EFCAB5: variants seen among roughly 807,000 people sequenced by gnomAD.
The protein encoded by EFCAB5 is EF-hand calcium binding domain 5.
In EFCAB5, 131 loss-of-function variants were observed where a neutral mutation model predicts 167.9. The observed-to-expected ratio is 0.78, with a 90% CI of 0.68 to 0.90. The LOEUF (loss-of-function observed/expected upper bound fraction) is 0.90. EFCAB5 is among the 40% of genes least tolerant of loss of function. EFCAB5 has a pLI of 0.00. For synonymous variants in EFCAB5, 574 were observed against 602.8 expected (o/e 0.95, Z 0.70); for missense variants, 1,663 against 1,745.2 (o/e 0.95, Z 0.84).
chr17:30,031,096 GAGTAATATAGAAA>G (rs1267627290), intron 7 of EFCAB5, among the ~76,000 whole-genome samples: 6 of 151,974 alleles, frequency 3.9e-5, no homozygotes, highest in Non-Finnish European at 8.8e-5. Flanking sequence ...TCTGACTTAT[GAGTAATATAGAAA>G]AATACCTACT....
At chr17:29,973,636 C>A (rs1359502130) in intron 4 of EFCAB5, among the ~76,000 whole-genome samples, 2 of 151,472 alleles carry the variant, frequency 1.3e-5, no homozygotes, top group African/African-American at 4.8e-5. Flanking sequence ...CGCCACTACA[C>A]CCTGCTAATT....
chr17:30,096,664 T>C lies in EFCAB5; in HGVS notation c.4321+3728T>C, dbSNP rs1046160371. 1.0e-4 allele frequency among the ~76,000 whole-genome samples: 6 copies of C among 59,850 alleles called. No homozygotes were observed. In the East Asian group the frequency reaches 3.1e-3, roughly 31 times the overall value. The allele number at this position is 59,850 out of a possible 152,430, so 39.3% of individuals were successfully genotyped here. ...TTTATCCTGAAAGCATATATATATA[T>C]ATATATATATATATTTTTTTTTTTT... On this transcript the variant is annotated intron_variant, in intron 22 of 22. Coordinates refer to ENST00000394835, the MANE Select transcript of EFCAB5 (RefSeq NM_198529.4).
chr17:30,059,448 A>G (rs2070364723), intron 13 of EFCAB5, 97 bp from the exon 14 acceptor site: 1 of 1,313,774 alleles, frequency 7.6e-7, no homozygotes. Context: ...ACCTGTTTTA[A>G]TAGAAGACGC....
intron 8 of EFCAB5, among the ~76,000 whole-genome samples, chr17:30,035,895 C>G (rs1445208476): frequency 6.6e-6 from 1 of 151,524 alleles, no homozygotes; most frequent in African/African-American, 2.4e-5. Context: ...ATTTTAACCC[C>G]TTCAGAGGAA....
intron 7 of EFCAB5, among the ~76,000 whole-genome samples, chr17:30,032,328 T>A (rs1045847342): frequency 1.3e-5 from 2 of 152,162 alleles, no homozygotes; most frequent in Non-Finnish European, 2.9e-5. Flanking sequence ...GCAGTCTCAG[T>A]TCACATGGAG....
intron 22 of EFCAB5, among the ~76,000 whole-genome samples, chr17:30,099,652 T>C (rs2071354187): frequency 6.6e-6 from 1 of 152,246 alleles, no homozygotes; most frequent in South Asian, 2.1e-4. Flanking sequence ...TGTTAAGTGC[T>C]GGATGACTTC....
intron 12 of EFCAB5, among the ~76,000 whole-genome samples, chr17:30,056,585 C>G (rs2070274941): frequency 6.6e-6 from 1 of 152,056 alleles, no homozygotes. Flanking sequence ...TGAAGACTTG[C>G]AAAGAAAGAT....
chr17:30,088,062 C>CT (rs2071123097), intron 19 of EFCAB5, among the ~76,000 whole-genome samples: 1 of 152,278 alleles, frequency 6.6e-6, no homozygotes, highest in African/African-American at 2.4e-5. Context: ...TTCTGATTGG[C>CT]TTTTAAAGAA....
chr17:30,053,476 C>G lies in EFCAB5; in HGVS notation c.1522C>G (p.Gln508Glu). The stretch of plus-strand genomic sequence containing the variant: ...AACACCATCACCAAACCCGCCAGAA[C>G]AGCAGAGAGGAGTAACTGCAGAACA... ...TSTPSPNPPE[Q>E]QRGVTAEQGP... The change falls in exon 10 of 23, where the codon CAG becomes GAG. Residue 508 changes from glutamine (Q) to glutamate (E), a missense_variant. Gln to Glu is a conservative substitution (Grantham distance 29). Coordinates refer to ENST00000394835, the MANE Select transcript of EFCAB5 (RefSeq NM_198529.4). The G allele has an allele frequency of 6.2e-7, 1 of 1,613,966 alleles. No homozygotes were observed. The highest frequency in any genetic ancestry group is 8.5e-7 in the Non-Finnish European group (1 of 1,179,886).
In EFCAB5 at chr17:29,962,179, G is replaced by A. The variant is rs558583688; in HGVS notation, c.191-6612G>A. On this transcript the variant is annotated intron_variant, in intron 3 of 22. Transcript: ENST00000394835. ...TTATTTTGGCTATTCAAGGGCCTCTGCAGTTTCATATTAATCTGAGGATCA... is the reference window on the plus strand; with the variant it reads ...TTATTTTGGCTATTCAAGGGCCTCTACAGTTTCATATTAATCTGAGGATCA... Among the ~76,000 whole-genome samples, 7 of 152,248 alleles carry A rather than the reference G, an allele frequency of 4.6e-5. No homozygotes were observed. The East Asian group carries it at 1.3e-3, about 29-fold the overall frequency.
rs879791202 is a variant in EFCAB5, at chr17:30,042,013, C to CT, written c.1200+7641dup. On this transcript the variant is annotated intron_variant, in intron 8 of 22. Transcript: ENST00000394835. The stretch of plus-strand genomic sequence containing the variant: ...AGACTACAGTATAGTATAAACATAA[C>CT]TTTTTTTTTTTTTGAGATGGAGTAT... Among the ~76,000 whole-genome samples, 183 of 146,124 alleles carry CT rather than the reference C, an allele frequency of 1.3e-3. 1 individual carries two copies. The highest frequency in any genetic ancestry group is 7.1e-3 in the Middle Eastern group (2 of 282).
intron 22 of EFCAB5, among the ~76,000 whole-genome samples, chr17:30,097,054 ATATATATTT>A (rs1463972195): frequency 1.1e-4 from 7 of 62,036 alleles, no homozygotes; most frequent in African/African-American, 6.8e-4. Context: ...ATATACATAT[ATATATATTT>A]TTTTTTTTTT....
intron 14 of EFCAB5, chr17:30,073,761 TC>T (rs1372161147): frequency 1.5e-5 from 10 of 657,644 alleles, no homozygotes; most frequent in Middle Eastern, 5.2e-4. Flanking sequence ...CATCCCATAC[TC>T]CTATCAAGAT....
chr17:29,997,771 G>A (rs2068578082), intron 6 of EFCAB5, among the ~76,000 whole-genome samples: 1 of 152,064 alleles, frequency 6.6e-6, no homozygotes, highest in South Asian at 2.1e-4. Flanking sequence ...AGAATTCCAT[G>A]TGTTCTGCCT....
chr17:30,066,383 G>T (rs758746468), intron 14 of EFCAB5, among the ~76,000 whole-genome samples: 18 of 151,790 alleles, frequency 1.2e-4, no homozygotes, highest in Non-Finnish European at 2.2e-4. Context: ...AATTTTTTTT[G>T]AATTTTTACT....
intron 8 of EFCAB5, among the ~76,000 whole-genome samples, chr17:30,048,488 C>A (rs1047455600): frequency 6.7e-6 from 1 of 150,230 alleles, no homozygotes; most frequent in Non-Finnish European, 1.5e-5. Flanking sequence ...GTGGAGGATA[C>A]TTCTTTTTTT....
At chr17:29,932,672 G>A (rs2067211930) in intron 1 of EFCAB5, among the ~76,000 whole-genome samples, 1 of 151,966 alleles carries the variant, frequency 6.6e-6, no homozygotes, top group Non-Finnish European at 1.5e-5. Context: ...TGGTCAGGCT[G>A]GTCTCGAACT....
chr17:30,096,680 T>A (rs1418316173), intron 22 of EFCAB5, among the ~76,000 whole-genome samples: 3,441 of 78,594 alleles, frequency 0.044, 25 homozygotes, highest in South Asian at 0.11. Context: ...TATATATATT[T>A]TTTTTTTTTT....
At chr17:30,038,872 C>T (rs889410209) in intron 8 of EFCAB5, among the ~76,000 whole-genome samples, 1 of 152,190 alleles carries the variant, frequency 6.6e-6, no homozygotes, top group Non-Finnish European at 1.5e-5. Context: ...GGGATACATT[C>T]TCCTCTGGTG....
Sources: allele counts gnomAD v4.1 joint callset (sites outside exome capture counted in the v4.1 genomes callset), GRCh38; gene constraint gnomAD v4.1.1; transcripts MANE v1.5; gene names NCBI Gene and HGNC (gene_info 2026-07-23, HGNC 2026-07-21).